The following ATP8A2 variants were observed in gnomAD, a reference collection of about 807,000 sequenced individuals.
The protein encoded by ATP8A2 is ATPase phospholipid transporting 8A2, also known as phospholipid-transporting ATPase IB.
A neutral mutation model predicts 165.6 loss-of-function variants in ATP8A2; 100 were observed. The observed-to-expected ratio is 0.60, with a 90% CI of 0.51 to 0.71. The LOEUF (loss-of-function observed/expected upper bound fraction) is 0.71, where lower values mean the gene tolerates loss of function less well. Among genes scored for constraint, ATP8A2 ranks in the 30% least tolerant of loss-of-function variants. The pLI is 0.00. For missense variants in ATP8A2, 1,227 were observed against 1,479.5 expected (o/e 0.83, Z 2.80); for synonymous variants, 543 against 548.8 (o/e 0.99, Z 0.15).
intron 16 of ATP8A2, among the ~76,000 whole-genome samples, chr13:25,565,880 C>T (rs1448804608): frequency 2.6e-5 from 4 of 151,468 alleles, no homozygotes; most frequent in African/African-American, 7.3e-5. Context: ...AAAATGCCAA[C>T]TTAGAAAATT....
At chr13:25,853,527 A>C (rs1451402134) in intron 30 of ATP8A2, among the ~76,000 whole-genome samples, 1 of 151,814 alleles carries the variant, frequency 6.6e-6, no homozygotes, top group Non-Finnish European at 1.5e-5. Context: ...TGTATGTTTT[A>C]GTCCCTGACT....
At chr13:25,890,148 C>T (rs1009056639) in intron 33 of ATP8A2, among the ~76,000 whole-genome samples, 4 of 151,918 alleles carry the variant, frequency 2.6e-5, no homozygotes, top group South Asian at 2.1e-4. Context: ...GGTGACGGCG[C>T]GAGACTCTGT....
chr13:25,550,840 A>T (rs1177063870), intron 10 of ATP8A2, among the ~76,000 whole-genome samples: 1 of 152,156 alleles, frequency 6.6e-6, no homozygotes, highest in Non-Finnish European at 1.5e-5. Flanking sequence ...GTGTTTGTGT[A>T]TGTCTTTTTT....
chr13:26,007,474 C>G (rs912268731), intron 35 of ATP8A2, among the ~76,000 whole-genome samples: 1 of 152,114 alleles, frequency 6.6e-6, no homozygotes. Flanking sequence ...CTAAGGATAG[C>G]AAGACTCTGC....
intron 28 of ATP8A2, 109 bp downstream of exon 28, chr13:25,828,301 T>C (rs1470571348): frequency 2.1e-6 from 2 of 939,354 alleles, no homozygotes; most frequent in Non-Finnish European, 3.4e-6. Context: ...TCTGTATACT[T>C]AGCAGGCAGC....
chr13:25,663,251 T>C (rs565725727), intron 24 of ATP8A2, among the ~76,000 whole-genome samples: 1 of 152,252 alleles, frequency 6.6e-6, no homozygotes, highest in Non-Finnish European at 1.5e-5. Context: ...CTAATCCTTC[T>C]GAAAGTTAAT....
At position 25,915,256 on chromosome 13, in the gene ATP8A2, C is replaced by G. The variant is rs559804050; in HGVS notation, c.3184-46319C>G. ...AGCATCTGTCATACTGTGTTACCAT[C>G]AACGGGTTGTGTATCAGTCAGGGTC... On this transcript the variant is annotated intron_variant, in intron 33 of 36. Coordinates refer to ENST00000381655, the MANE Select transcript of ATP8A2 (RefSeq NM_016529.6). 1.1e-4 allele frequency among the ~76,000 whole-genome samples: 17 copies of G among 152,326 alleles called. 1 individual carries two copies. In the South Asian group the frequency reaches 3.1e-3, roughly 28 times the overall value.
At chr13:25,511,399 TTGC>T (rs1440151398) in intron 2 of ATP8A2, among the ~76,000 whole-genome samples, 1 of 152,216 alleles carries the variant, frequency 6.6e-6, no homozygotes, top group East Asian at 1.9e-4. Flanking sequence ...TGTAGATGTG[TTGC>T]TGTAAAGTGG....
At chr13:25,713,090 AG>A in intron 25 of ATP8A2, among the ~76,000 whole-genome samples, 1 of 152,226 alleles carries the variant, frequency 6.6e-6, no homozygotes, top group Non-Finnish European at 1.5e-5. Context: ...AAATGTAGAT[AG>A]TGCTCATTGT....
At chr13:25,509,298 A>G (rs2037145153) in intron 2 of ATP8A2, among the ~76,000 whole-genome samples, 1 of 152,232 alleles carries the variant, frequency 6.6e-6, no homozygotes, top group South Asian at 2.1e-4. Flanking sequence ...ATAAAAATTT[A>G]CATGACATAT....
Position 25,677,998 on chromosome 13 carries a change from A to G in ATP8A2, c.2212-21175A>G, listed in dbSNP as rs540677208. Among the ~76,000 whole-genome samples the G allele has an allele frequency of 1.4e-4, 21 of 152,290 alleles. 1 individual carries two copies. Among genetic ancestry groups the G allele is most frequent in the South Asian group, 1.0e-3 (5 of 4,816 alleles). On this transcript the variant is annotated intron_variant, in intron 24 of 36. Transcript: ENST00000381655. The stretch of plus-strand genomic sequence containing the variant: ...CAAGTAATACCTTTACAGAAAGTCA[A>G]ATTTTAATGATGGAAAGAATGCAGG...
In ATP8A2 at chr13:25,888,884, T is replaced by C. The variant is rs139475665; in HGVS notation, c.3183+26476T>C. 2.9e-3 allele frequency among the ~76,000 whole-genome samples: 434 copies of C among 152,244 alleles called. 2 individuals are homozygous for C. Among genetic ancestry groups the C allele is most frequent in the African/African-American group, 9.9e-3 (410 of 41,556 alleles). ...TCAAGAAATAAAACTGTAGAGTTCA[T>C]GGGGTCATTTGTATAGAAGGAAATT... On this transcript the variant is annotated intron_variant, in intron 33 of 36. Transcript: ENST00000381655.
intron 27 of ATP8A2, among the ~76,000 whole-genome samples, chr13:25,809,793 TC>T (rs1269438369): frequency 6.6e-6 from 1 of 152,096 alleles, no homozygotes; most frequent in East Asian, 1.9e-4. Context: ...TCTTTCCCCC[TC>T]AATCTCCAGC....
intron 1 of ATP8A2, among the ~76,000 whole-genome samples, chr13:25,418,658 A>G (rs1211949936): frequency 1.3e-5 from 2 of 152,188 alleles, no homozygotes; most frequent in African/African-American, 4.8e-5. Flanking sequence ...GGGAGCAATG[A>G]GCTGAGCTGC....
At chr13:25,593,442 C>A (rs999832796) in intron 24 of ATP8A2, among the ~76,000 whole-genome samples, 9 of 152,136 alleles carry the variant, frequency 5.9e-5, no homozygotes, top group Non-Finnish European at 1.3e-4. Flanking sequence ...GCCAAAATAA[C>A]TTCTAAGCTC....
Position 26,013,890 on chromosome 13 carries a change from G to A in ATP8A2, c.3469+1268G>A, listed in dbSNP as rs116107978. On this transcript the variant is annotated intron_variant, in intron 36 of 36. Transcript: ENST00000381655. The stretch of plus-strand genomic sequence containing the variant: ...TCCTCACTTTCCCATGTGGAATATC[G>A]TATGGGAAGAAGGGGACTGACATGC... Among the ~76,000 whole-genome samples the A allele has an allele frequency of 8.5e-3, 1,297 of 152,226 alleles. 17 individuals carry two copies. The highest frequency in any genetic ancestry group is 0.03 in the African/African-American group (1,226 of 41,544).
At chr13:25,574,694 G>A in intron 18 of ATP8A2, 114 bp from the exon 19 acceptor site, 1 of 743,102 alleles carries the variant, frequency 1.3e-6, no homozygotes, top group Non-Finnish European at 2.4e-6. Context: ...CAAAGGGCTA[G>A]AAGGTGGGAA....
At chr13:25,637,876 C>T (rs2041412486) in intron 24 of ATP8A2, among the ~76,000 whole-genome samples, 1 of 152,314 alleles carries the variant, frequency 6.6e-6, no homozygotes, top group Admixed American at 6.5e-5. Flanking sequence ...CAGACTGACA[C>T]CTCACACGGC....
chr13:26,014,155 C>A (rs1266600638), intron 36 of ATP8A2, among the ~76,000 whole-genome samples: 1 of 152,170 alleles, frequency 6.6e-6, no homozygotes, highest in Admixed American at 6.5e-5. Context: ...TGTCCCTGCT[C>A]CCCTGCTTTT....
Sources: allele counts gnomAD v4.1 joint callset (sites outside exome capture counted in the v4.1 genomes callset), GRCh38; gene constraint gnomAD v4.1.1; transcripts MANE v1.5; gene names NCBI Gene and HGNC (gene_info 2026-07-23, HGNC 2026-07-21).